H2BC1: variants seen among roughly 807,000 people sequenced by gnomAD.
H2BC1 encodes the protein histone H2B type 1-A.
Under a neutral mutation model 5.4 loss-of-function variants are expected in H2BC1, and 5 were observed. That is an observed-to-expected ratio of 0.92 (90% CI 0.48 to 1.94). The LOEUF is 1.94. Among genes scored for constraint, H2BC1 ranks in the 30% most tolerant of loss-of-function variants. H2BC1 has a pLI of 0.01. For synonymous variants in H2BC1, 131 were observed against 58.2 expected, an observed-to-expected ratio of 2.25 and a Z score of -5.69; for missense variants, 210 against 159.1, an observed-to-expected ratio of 1.32 and a Z score of -1.72.
In H2BC1 at chr6:25,726,999, C is replaced by G. The variant is rs747888176; in HGVS notation, c.91C>G (p.Arg31Gly). 1 of 1,614,158 alleles carries G rather than the reference C, an allele frequency of 6.2e-7. No homozygotes were observed. The highest frequency in any genetic ancestry group is 1.1e-5 in the South Asian group (1 of 91,086). The change falls in exon 1 of 1, where the codon CGC (arginine) becomes GGC (glycine). Residue 31 changes from arginine (R) to glycine (G), a missense_variant. Arg to Gly is a moderately radical substitution (Grantham distance 125). Transcript: ENST00000274764. ...VKTQKKEGKKRKRTRKESYSI... is the reference protein window; with the variant it reads ...VKTQKKEGKKGKRTRKESYSI... ...GACCCAGAAAAAGGAAGGCAAAAAG[C>G]GCAAGAGGACCCGTAAGGAGAGTTA...
rs1182849386 is a variant in H2BC1, at chr6:25,726,849, G to T, written c.-60G>T. 1.9e-6 allele frequency: 3 copies of T among 1,542,694 alleles called. No homozygotes were observed. The highest frequency in any genetic ancestry group is 2.6e-6 in the Non-Finnish European group (3 of 1,145,704). ...TAATACTGAAGAGCTGTTGAGCACT[G>T]GAAAGTGCTGTGTAACCCTGGAAAA... On this transcript the variant is annotated 5_prime_UTR_variant, in exon 1 of 1. Transcript: ENST00000274764.
Position 25,727,271 on chromosome 6 carries a change from T to G in H2BC1, c.363T>G (p.Thr121=). Reference sequence around the variant, plus strand: ...TGTCTGAGGGCACCAAGGCTGTCACTAAGTACACCAGCTCCAAGTAAGCCT... The same window carrying G: ...TGTCTGAGGGCACCAAGGCTGTCACGAAGTACACCAGCTCCAAGTAAGCCT... ...HAVSEGTKAV[T]KYTSSK is the part of the protein sequence containing the mutation. The change falls in exon 1 of 1, where the codon ACT becomes ACG. Residue 121 remains threonine (T), a synonymous_variant. Transcript: ENST00000274764. 3.1e-6 allele frequency: 5 copies of G among 1,607,030 alleles called. 1 individual carries two copies. The South Asian group carries it at 5.5e-5, about 18-fold the overall frequency.
Position 25,727,079 on chromosome 6 carries a change from T to C in H2BC1, c.171T>C (p.Ser57=), listed in dbSNP as rs755552686. ...LKQVHPDTGI[S]SKAMSIMNSF... is the part of the protein sequence containing the mutation. ...AGGTCCATCCGGACACTGGCATCTC[T>C]TCGAAAGCTATGAGCATTATGAATT... The change falls in exon 1 of 1, where the codon TCT becomes TCC. Residue 57 remains serine (S), a synonymous_variant. Transcript: ENST00000274764. 3.1e-6 allele frequency: 5 copies of C among 1,614,114 alleles called. No individual in the cohort carries two copies. The South Asian group carries it at 4.4e-5, about 14-fold the overall frequency.
chr6:25,727,081 C>A lies in H2BC1; in HGVS notation c.173C>A (p.Ser58Ter), dbSNP rs968613011. The A allele has an allele frequency of 3.7e-6, 6 of 1,614,124 alleles. No individual in the cohort carries two copies. The highest frequency in any genetic ancestry group is 5.1e-6 in the Non-Finnish European group (6 of 1,180,042). Residue 58 changes from serine (S) to a stop codon, truncating the protein, a stop_gained, in exon 1 of 1, where the codon TCG (serine) becomes TAG (stop). Transcript: ENST00000274764. LOFTEE classifies it high-confidence loss of function. ...GTCCATCCGGACACTGGCATCTCTT[C>A]GAAAGCTATGAGCATTATGAATTCC... Reference protein sequence around the residue: ...KQVHPDTGISSKAMSIMNSFV... With the variant: ...KQVHPDTGIS
Position 25,726,815 on chromosome 6 carries a change from G to C in H2BC1, c.-94G>C, listed in dbSNP as rs1336946501. On this transcript the variant is annotated 5_prime_UTR_variant, in exon 1 of 1. Coordinates refer to ENST00000274764, the MANE Select transcript of H2BC1 (RefSeq NM_170610.3). ...GCGAGACTTGGAGCTGAGGTCATTTGGAGCTGTTTAATACTGAAGAGCTGT... is the reference window on the plus strand; with the variant it reads ...GCGAGACTTGGAGCTGAGGTCATTTCGAGCTGTTTAATACTGAAGAGCTGT... 1 of 1,411,694 alleles carries C rather than the reference G, an allele frequency of 7.1e-7. No individual in the cohort carries two copies. Among genetic ancestry groups the C allele is most frequent in the Admixed American group, 2.3e-5 (1 of 44,326 alleles). 87.4% of individuals were successfully genotyped at this position (1,411,694 alleles called of 1,614,324 possible).
chr6:25,726,967 T>C lies in H2BC1; in HGVS notation c.59T>C (p.Val20Ala). 1 of 1,614,134 alleles carries C rather than the reference T, an allele frequency of 6.2e-7. No individual in the cohort carries two copies. The highest frequency in any genetic ancestry group is 8.5e-7 in the Non-Finnish European group (1 of 1,180,006). Reference protein sequence around the residue: ...TISKKGFKKAVVKTQKKEGKK... With the variant: ...TISKKGFKKAAVKTQKKEGKK... The stretch of plus-strand genomic sequence containing the variant: ...TCCAAGAAGGGCTTTAAGAAAGCTG[T>C]CGTTAAGACCCAGAAAAAGGAAGGC... Residue 20 changes from valine to alanine, a missense_variant, in exon 1 of 1, where the codon GTC becomes GCC. Coordinates refer to ENST00000274764, the MANE Select transcript of H2BC1 (RefSeq NM_170610.3).
Position 25,726,860 on chromosome 6 carries a change from T to C in H2BC1, c.-49T>C, listed in dbSNP as rs1760268700. On this transcript the variant is annotated 5_prime_UTR_variant, in exon 1 of 1. Transcript: ENST00000274764. ...AGCTGTTGAGCACTGGAAAGTGCTG[T>C]GTAACCCTGGAAAAGAACCGTGTAA... is the stretch of plus-strand genomic sequence containing the variant. 4 of 1,567,426 alleles carry C rather than the reference T, an allele frequency of 2.6e-6. No individual in the cohort carries two copies. Among genetic ancestry groups the C allele is most frequent in the Non-Finnish European group, 3.4e-6 (4 of 1,159,674 alleles).
In H2BC1 at chr6:25,727,008, A is replaced by G; in HGVS notation, c.100A>G (p.Thr34Ala). 2 of 1,614,186 alleles carry G rather than the reference A, an allele frequency of 1.2e-6. No individual in the cohort carries two copies. Among genetic ancestry groups the G allele is most frequent in the Non-Finnish European group, 1.7e-6 (2 of 1,180,042 alleles). ...AAAGGAAGGCAAAAAGCGCAAGAGGACCCGTAAGGAGAGTTATTCTATTTA... is the reference window on the plus strand; with the variant it reads ...AAAGGAAGGCAAAAAGCGCAAGAGGGCCCGTAAGGAGAGTTATTCTATTTA... ...QKKEGKKRKR[T>A]RKESYSIYIY... is the part of the protein sequence containing the mutation. Residue 34 changes from threonine (T) to alanine (A), a missense_variant, in exon 1 of 1, where the codon ACC becomes GCC. Thr to Ala is a moderately conservative substitution (Grantham distance 58). Coordinates refer to ENST00000274764, the MANE Select transcript of H2BC1 (RefSeq NM_170610.3).
At position 25,727,064 on chromosome 6, in the gene H2BC1, G is replaced by A. The variant is rs774418786; in HGVS notation, c.156G>A (p.Pro52=). The change falls in exon 1 of 1, where the codon CCG becomes CCA. Residue 52 remains proline, a synonymous_variant. Coordinates refer to ENST00000274764, the MANE Select transcript of H2BC1 (RefSeq NM_170610.3). ...ACAAAGTGCTAAAGCAGGTCCATCC[G>A]GACACTGGCATCTCTTCGAAAGCTA... The part of the protein sequence containing the change: ...YIYKVLKQVH[P]DTGISSKAMS... 83 of 1,614,064 alleles carry A rather than the reference G, an allele frequency of 5.1e-5. No homozygotes were observed. Among genetic ancestry groups the A allele is most frequent in the African/African-American group, 1.1e-4 (8 of 74,934 alleles).
In H2BC1 at chr6:25,727,233, G is replaced by T; in HGVS notation, c.325G>T (p.Ala109Ser). The stretch of plus-strand genomic sequence containing the variant: ...GCGCTTGCTACTGCCGGGAGAGCTG[G>T]CTAAACATGCTGTGTCTGAGGGCAC... ...AVRLLLPGEL[A>S]KHAVSEGTKA... Residue 109 changes from alanine (A) to serine (S), a missense_variant, in exon 1 of 1, where the codon GCT becomes TCT. By Grantham distance (99) the Ala-to-Ser change is moderately conservative. Transcript: ENST00000274764. The T allele has an allele frequency of 6.2e-7, 1 of 1,613,690 alleles. No individual in the cohort carries two copies. Among genetic ancestry groups the T allele is most frequent in the Non-Finnish European group, 8.5e-7 (1 of 1,179,710 alleles).
chr6:25,726,834 G>A lies in H2BC1; in HGVS notation c.-75G>A. 5 of 1,500,692 alleles carry A rather than the reference G, an allele frequency of 3.3e-6. No individual in the cohort carries two copies. Among genetic ancestry groups the A allele is most frequent in the Non-Finnish European group, 3.6e-6 (4 of 1,115,470 alleles). 93.0% of individuals were successfully genotyped at this position (1,500,692 alleles called of 1,614,324 possible). On this transcript the variant is annotated 5_prime_UTR_variant, in exon 1 of 1. Coordinates refer to ENST00000274764, the MANE Select transcript of H2BC1 (RefSeq NM_170610.3). The stretch of plus-strand genomic sequence containing the variant: ...TCATTTGGAGCTGTTTAATACTGAA[G>A]AGCTGTTGAGCACTGGAAAGTGCTG...
In H2BC1 at chr6:25,726,970, T is replaced by G; in HGVS notation, c.62T>G (p.Val21Gly). The change falls in exon 1 of 1, where the codon GTT becomes GGT. Residue 21 changes from valine (V) to glycine (G), a missense_variant. Coordinates refer to ENST00000274764, the MANE Select transcript of H2BC1 (RefSeq NM_170610.3). ...ISKKGFKKAVVKTQKKEGKKR... is the reference protein window; with the variant it reads ...ISKKGFKKAVGKTQKKEGKKR... ...AAGAAGGGCTTTAAGAAAGCTGTCG[T>G]TAAGACCCAGAAAAAGGAAGGCAAA... 6.2e-7 allele frequency: 1 copy of G among 1,614,180 alleles called. No individual in the cohort carries two copies. Among genetic ancestry groups the G allele is most frequent in the Non-Finnish European group, 8.5e-7 (1 of 1,180,026 alleles).
rs929355676 is a variant in H2BC1 at position 25,726,812 on chromosome 6, T to C, written c.-97T>C. ...TTGGCGAGACTTGGAGCTGAGGTCA[T>C]TTGGAGCTGTTTAATACTGAAGAGC... On this transcript the variant is annotated 5_prime_UTR_variant, in exon 1 of 1. Coordinates refer to ENST00000274764, the MANE Select transcript of H2BC1 (RefSeq NM_170610.3). 6 of 1,406,406 alleles carry C rather than the reference T, an allele frequency of 4.3e-6. No homozygotes were observed. Among genetic ancestry groups the C allele is most frequent in the African/African-American group, 2.9e-5 (2 of 69,546 alleles). The allele number at this position is 1,406,406 out of a possible 1,614,324, so 87.1% of individuals were successfully genotyped here.
Position 25,727,324 on chromosome 6 carries a change from A to C in H2BC1, c.*32A>C, listed in dbSNP as rs768669736. On this transcript the variant is annotated 3_prime_UTR_variant, in exon 1 of 1. Transcript: ENST00000274764. The stretch of plus-strand genomic sequence containing the variant: ...TAAGTAAACGTCATTTCTAACCCAA[A>C]GGCTCTTTTCAGAGCCACTTAAACA... The C allele has an allele frequency of 1.3e-6, 2 of 1,545,774 alleles. No homozygotes were observed. Among genetic ancestry groups the C allele is most frequent in the African/African-American group, 2.7e-5 (2 of 72,798 alleles).
In H2BC1 at chr6:25,727,021, G is replaced by C. The variant is rs1760279829; in HGVS notation, c.113G>C (p.Ser38Thr). ...GKKRKRTRKE[S>T]YSIYIYKVLK... ...AAGCGCAAGAGGACCCGTAAGGAGA[G>C]TTATTCTATTTACATCTACAAAGTG... The change falls in exon 1 of 1, where the codon AGT (serine) becomes ACT (threonine). Residue 38 changes from serine (S) to threonine (T), a missense_variant. By Grantham distance (58) the Ser-to-Thr change is moderately conservative. Transcript: ENST00000274764. The C allele has an allele frequency of 6.2e-7, 1 of 1,614,216 alleles. No individual in the cohort carries two copies. Among genetic ancestry groups the C allele is most frequent in the Non-Finnish European group, 8.5e-7 (1 of 1,180,038 alleles).
At position 25,727,084 on chromosome 6, in the gene H2BC1, A is replaced by G; in HGVS notation, c.176A>G (p.Lys59Arg). ...CATCCGGACACTGGCATCTCTTCGA[A>G]AGCTATGAGCATTATGAATTCCTTC... Reference protein sequence around the residue: ...QVHPDTGISSKAMSIMNSFVT... With the variant: ...QVHPDTGISSRAMSIMNSFVT... Residue 59 changes from lysine (K) to arginine (R), a missense_variant, in exon 1 of 1, where the codon AAA (lysine) becomes AGA (arginine). Transcript: ENST00000274764. 4 of 1,614,244 alleles carry G rather than the reference A, an allele frequency of 2.5e-6. No individual in the cohort carries two copies. The highest frequency in any genetic ancestry group is 3.4e-6 in the Non-Finnish European group (4 of 1,180,046).
Position 25,727,002 on chromosome 6 carries a change from A to C in H2BC1, c.94A>C (p.Lys32Gln), listed in dbSNP as rs762715794. Residue 32 changes from lysine (K) to glutamine (Q), a missense_variant, in exon 1 of 1, where the codon AAG becomes CAG. Transcript: ENST00000274764. The stretch of plus-strand genomic sequence containing the variant: ...CCAGAAAAAGGAAGGCAAAAAGCGC[A>C]AGAGGACCCGTAAGGAGAGTTATTC... ...KTQKKEGKKR[K>Q]RTRKESYSIY... 4 of 1,614,118 alleles carry C rather than the reference A, an allele frequency of 2.5e-6. No individual in the cohort carries two copies. Among genetic ancestry groups the C allele is most frequent in the Admixed American group, 1.7e-5 (1 of 60,012 alleles).
chr6:25,727,190 A>G lies in H2BC1; in HGVS notation c.282A>G (p.Arg94=). 2.5e-6 allele frequency: 4 copies of G among 1,614,174 alleles called. No homozygotes were observed. The highest frequency in any genetic ancestry group is 3.3e-4 in the Middle Eastern group (2 of 6,062). The change falls in exon 1 of 1, where the codon AGA becomes AGG. Residue 94 remains arginine (R), a synonymous_variant. Transcript: ENST00000274764. ...HYSKRSTISS[R]EIQTAVRLLL... is the part of the protein sequence containing the mutation. ...GCAAGCGCTCCACCATTTCTTCCAG[A>G]GAGATTCAGACAGCAGTGCGCTTGC...
Position 25,727,300 on chromosome 6 carries a change from A to G in H2BC1, c.*8A>G, listed in dbSNP as rs1760297375. ...TACACCAGCTCCAAGTAAGCCTGCT[A>G]AGTAAACGTCATTTCTAACCCAAAG... is the stretch of plus-strand genomic sequence containing the variant. On this transcript the variant is annotated 3_prime_UTR_variant, in exon 1 of 1. Transcript: ENST00000274764. The G allele has an allele frequency of 4.4e-6, 7 of 1,577,358 alleles. No individual in the cohort carries two copies. The highest frequency in any genetic ancestry group is 6.0e-6 in the Non-Finnish European group (7 of 1,160,968).
Sources: allele counts gnomAD v4.1 joint callset, GRCh38; gene constraint gnomAD v4.1.1; transcripts MANE v1.5; gene names NCBI Gene and HGNC (gene_info 2026-07-23, HGNC 2026-07-21).